The following MAPK8 variants were observed in gnomAD, a reference collection of about 807,000 sequenced individuals.
MAPK8 encodes the protein JUN N-terminal kinase.
MAPK8 carries 13 observed loss-of-function variants against 52.9 expected under a neutral mutation model. The observed-to-expected ratio is 0.25, with a 90% CI of 0.16 to 0.39. MAPK8 has a LOEUF of 0.39. Ranked by LOEUF, MAPK8 falls within the 10% of genes least tolerant of loss-of-function variation. The pLI is 1.00. For missense variants in MAPK8, 300 were observed against 519.2 expected, an observed-to-expected ratio of 0.58 and a Z score of 4.10; for synonymous variants, 191 against 169.8, an observed-to-expected ratio of 1.12 and a Z score of -0.97.
At position 48,436,477 on chromosome 10, in the gene MAPK8, T is replaced by A. The variant is rs2044860378; in HGVS notation, c.*1448T>A. The A allele has an allele frequency of 6.6e-6, 1 of 152,188 alleles. No homozygotes were observed. Among genetic ancestry groups the A allele is most frequent in the Non-Finnish European group, 1.5e-5 (1 of 68,034 alleles). The allele number at this position is 152,188 out of a possible 1,614,324, so 9.4% of individuals were successfully genotyped here. On this transcript the variant is annotated 3_prime_UTR_variant, in exon 12 of 12. Transcript: ENST00000374189. ...TAATAGACCCAGGCACCTTTTAAAT[T>A]ATCTCTGGAACAAGAGGGATTTCAT... is the stretch of plus-strand genomic sequence containing the variant.
At chr10:48,417,636 G>C (rs2043135006) in intron 5 of MAPK8, among the ~76,000 whole-genome samples, 1 of 152,292 alleles carries the variant, frequency 6.6e-6, no homozygotes. Context: ...AGGTAGAAGA[G>C]CAAGAGCTAT....
At chr10:48,424,647 G>T (rs1023515880) in intron 7 of MAPK8, 3 of 1,073,296 alleles carry the variant, frequency 2.8e-6, no homozygotes, top group Non-Finnish European at 4.1e-6. Context: ...TAGCACTTCA[G>T]TTTGGTCAGG....
chr10:48,365,241 A>C (rs572392556), intron 1 of MAPK8, among the ~76,000 whole-genome samples: 74 of 152,296 alleles, frequency 4.9e-4, no homozygotes, highest in Admixed American at 9.8e-4. Context: ...AGTAAAGCAA[A>C]CAATACAAAA....
At chr10:48,323,323 G>A (rs993056018) in intron 1 of MAPK8, among the ~76,000 whole-genome samples, 3 of 152,182 alleles carry the variant, frequency 2.0e-5, no homozygotes, top group Non-Finnish European at 4.4e-5. Context: ...TCTAGGTATT[G>A]TGGGGGTGGC....
chr10:48,399,913 A>AT (rs1182225267), intron 1 of MAPK8, among the ~76,000 whole-genome samples: 2 of 152,230 alleles, frequency 1.3e-5, no homozygotes, highest in Non-Finnish European at 2.9e-5. Context: ...ATATTTGCAG[A>AT]TTATCAGAGA....
Position 48,439,327 on chromosome 10 carries a change from TAAA to T in MAPK8, c.*4302_*4304del, listed in dbSNP as rs750628929. ...TGTCAATTGGTTATAATATTTTAAA[TAAA>T]AAAGAAAAAAGTGGTATGAAAATTA... On this transcript the variant is annotated 3_prime_UTR_variant, in exon 12 of 12. Transcript: ENST00000374189. The T allele has an allele frequency of 1.3e-5, 2 of 150,158 alleles. No homozygotes were observed. The highest frequency in any genetic ancestry group is 6.7e-5 in the Admixed American group (1 of 15,010). 9.3% of individuals were successfully genotyped at this position (150,158 alleles called of 1,614,324 possible). A position where few individuals can be genotyped will look rare whatever the true frequency, so the allele number is the denominator to read the frequency against.
intron 1 of MAPK8, among the ~76,000 whole-genome samples, chr10:48,341,440 CATTTGGG>C (rs1459640236): frequency 2.0e-5 from 3 of 152,154 alleles, no homozygotes; most frequent in African/African-American, 7.2e-5. Context: ...CTTATTCAAG[CATTTGGG>C]ATTTGGGATG....
At chr10:48,424,832 C>A (rs1362350095) in intron 7 of MAPK8, among the ~76,000 whole-genome samples, 1 of 152,002 alleles carries the variant, frequency 6.6e-6, no homozygotes, top group Non-Finnish European at 1.5e-5. Context: ...TAACCTAAAT[C>A]AAAAATCATG....
chr10:48,355,078 G>A (rs375282866), intron 1 of MAPK8, among the ~76,000 whole-genome samples: 1 of 151,020 alleles, frequency 6.6e-6, no homozygotes, highest in East Asian at 1.9e-4. Flanking sequence ...AGAATATGAA[G>A]TAAGTGTTTC....
intron 2 of MAPK8, among the ~76,000 whole-genome samples, chr10:48,403,917 TTGTGTGTGTGTG>T (rs71465463): frequency 1.8e-4 from 23 of 125,748 alleles, no homozygotes; most frequent in African/African-American, 2.9e-4. Flanking sequence ...CCCGGCTAAT[TTGTGTGTGTGTG>T]TGTGTGTGTG....
intron 1 of MAPK8, among the ~76,000 whole-genome samples, chr10:48,397,672 C>T (rs1301966346): frequency 6.6e-6 from 1 of 152,070 alleles, no homozygotes; most frequent in African/African-American, 2.4e-5. Flanking sequence ...CTCACTGCAA[C>T]CTTCGTCTCC....
chr10:48,362,364 G>C (rs1447242260), intron 1 of MAPK8, among the ~76,000 whole-genome samples: 3 of 151,836 alleles, frequency 2.0e-5, no homozygotes, highest in African/African-American at 7.3e-5. Context: ...TCTGACCCTT[G>C]TTTCTGCCTT....
At chr10:48,355,365 C>T (rs368771312) in intron 1 of MAPK8, among the ~76,000 whole-genome samples, 32 of 152,004 alleles carry the variant, frequency 2.1e-4, no homozygotes, top group Admixed American at 1.3e-3. Context: ...AAAAATTAGC[C>T]GGGTGTAGTG....
intron 1 of MAPK8, among the ~76,000 whole-genome samples, chr10:48,340,864 A>C (rs1377786234): frequency 6.6e-6 from 1 of 151,818 alleles, no homozygotes; most frequent in African/African-American, 2.4e-5. Flanking sequence ...AGTCACCTTC[A>C]CCTCCTTGAT....
At chr10:48,329,538 TTA>T (rs975460207) in intron 1 of MAPK8, among the ~76,000 whole-genome samples, 105 of 152,090 alleles carry the variant, frequency 6.9e-4, no homozygotes, top group African/African-American at 2.4e-3. Context: ...TTAAATTCAT[TTA>T]GAGTATGAAT....
At chr10:48,373,656 A>T (rs1020541432) in intron 1 of MAPK8, among the ~76,000 whole-genome samples, 8 of 151,582 alleles carry the variant, frequency 5.3e-5, no homozygotes, top group African/African-American at 1.9e-4. Flanking sequence ...AGAGACAAAG[A>T]AGGGCATTAC....
At chr10:48,355,291 C>G (rs893259697) in intron 1 of MAPK8, among the ~76,000 whole-genome samples, 2 of 152,214 alleles carry the variant, frequency 1.3e-5, no homozygotes, top group Non-Finnish European at 2.9e-5. Flanking sequence ...GGGCGGATCA[C>G]GAGGTCAGGA....
chr10:48,354,793 T>TA (rs145042796), intron 1 of MAPK8, among the ~76,000 whole-genome samples: 6,517 of 148,168 alleles, frequency 0.044, 266 homozygotes, highest in African/African-American at 0.11. Flanking sequence ...GTAGGTGATC[T>TA]AAAAAAAAAA....
chr10:48,427,369 A>G, intron 10 of MAPK8: 3 of 420,190 alleles, frequency 7.1e-6, no homozygotes, highest in South Asian at 5.2e-5. Flanking sequence ...GCTCTGTCTC[A>G]TATTTTTTTC....
Sources: allele counts gnomAD v4.1 joint callset (sites outside exome capture counted in the v4.1 genomes callset), GRCh38; gene constraint gnomAD v4.1.1; transcripts MANE v1.5; gene names NCBI Gene and HGNC (gene_info 2026-07-23, HGNC 2026-07-21).